SP140L: variants seen among roughly 807,000 people sequenced by gnomAD.
SP140L encodes the protein nuclear body protein SP140-like protein.
In SP140L, 64 loss-of-function variants were observed where a neutral mutation model predicts 84.3. That is an observed-to-expected ratio of 0.76 (90% CI 0.62 to 0.94). The LOEUF is 0.94. Among genes scored for constraint, SP140L ranks in the 40% least tolerant of loss-of-function variants. SP140L has a pLI of 0.00. For missense variants in SP140L, 628 were observed against 692.5 expected (o/e 0.91, Z 1.05); for synonymous variants, 242 against 236.9 (o/e 1.02, Z -0.20).
intron 5 of SP140L, among the ~76,000 whole-genome samples, chr2:230,362,295 C>T: frequency 6.6e-6 from 1 of 152,132 alleles, no homozygotes; most frequent in Non-Finnish European, 1.5e-5. Context: ...TGACTTTCAT[C>T]ACTTAGGATG....
chr2:230,340,000 A>G (rs1371586338), intron 2 of SP140L, among the ~76,000 whole-genome samples: 4 of 148,712 alleles, frequency 2.7e-5, no homozygotes, highest in Non-Finnish European at 6.0e-5. Context: ...GTAGATGTCT[A>G]TTAGGTCCGC....
At chr2:230,340,154 G>T (rs1163371490) in intron 2 of SP140L, among the ~76,000 whole-genome samples, 1 of 151,580 alleles carries the variant, frequency 6.6e-6, no homozygotes, top group Non-Finnish European at 1.5e-5. Context: ...CTCAGGACTT[G>T]CTTTATGAAT....
intron 2 of SP140L, among the ~76,000 whole-genome samples, chr2:230,334,002 G>C (rs1300601443): frequency 6.6e-6 from 1 of 152,042 alleles, no homozygotes; most frequent in Non-Finnish European, 1.5e-5. Context: ...TTCCTTCCAG[G>C]TTTCTTTCGC....
At chr2:230,371,729 T>C in intron 7 of SP140L, 78 bp downstream of exon 7, 2 of 1,301,398 alleles carry the variant, frequency 1.5e-6, no homozygotes, top group South Asian at 1.3e-5. Context: ...TTTGTCATTG[T>C]TACTGTTTCT....
Position 230,370,936 on chromosome 2 carries a change from G to A in SP140L, c.552G>A (p.Arg184=). 6.2e-7 allele frequency: 1 copy of A among 1,613,802 alleles called. No homozygotes were observed. Among genetic ancestry groups the A allele is most frequent in the Non-Finnish European group, 8.5e-7 (1 of 1,179,820 alleles). Residue 184 remains arginine (R), a synonymous_variant, in exon 6 of 19, where the codon AGG becomes AGA. Transcript: ENST00000415673. Reference sequence around the variant, plus strand: ...AAGTGCCAGAAAGCCCGGAAGCAAGGAAGGAAAGTGACCAAGCATGTGGCA... The same window carrying A: ...AAGTGCCAGAAAGCCCGGAAGCAAGAAAGGAAAGTGACCAAGCATGTGGCA... ...QGEVPESPEA[R]KESDQACGKM... is the part of the protein sequence containing the mutation.
Position 230,382,338 on chromosome 2 carries a change from C to T in SP140L, c.638-1172C>T, listed in dbSNP as rs563296839. On this transcript the variant is annotated intron_variant, in intron 7 of 18. Transcript: ENST00000415673. ...TGGAGCAGGGTGTTTTCCTTCTGGA[C>T]AAAGGATCCAGGGTAGTTCTGAGAG... Among the ~76,000 whole-genome samples the T allele has an allele frequency of 2.1e-3, 316 of 152,224 alleles. 2 individuals are homozygous for T. The highest frequency in any genetic ancestry group is 7.1e-3 in the African/African-American group (293 of 41,528).
At chr2:230,339,336 G>A (rs1216330099) in intron 2 of SP140L, among the ~76,000 whole-genome samples, 2 of 151,642 alleles carry the variant, frequency 1.3e-5, no homozygotes, top group South Asian at 4.2e-4. Context: ...TGGGATCGGT[G>A]GTGACATCCC....
At chr2:230,334,593 A>AT (rs2059815270) in intron 2 of SP140L, among the ~76,000 whole-genome samples, 1 of 152,072 alleles carries the variant, frequency 6.6e-6, no homozygotes, top group South Asian at 2.1e-4. Context: ...ATTTACATGT[A>AT]TTTTATTGTG....
Position 230,402,958 on chromosome 2 carries a change from C to G in SP140L, c.*62C>G. On this transcript the variant is annotated 3_prime_UTR_variant, in exon 19 of 19. Coordinates refer to ENST00000415673, the MANE Select transcript of SP140L (RefSeq NM_138402.6). ...GCTACTGGTTGCCACTGACTTCAAA[C>G]TGAGAGCACTTGGGAAATAGCACAT... is the stretch of plus-strand genomic sequence containing the variant. 7.3e-7 allele frequency: 1 copy of G among 1,362,980 alleles called. No homozygotes were observed. The highest frequency in any genetic ancestry group is 2.1e-5 in the Admixed American group (1 of 46,952). The allele number at this position is 1,362,980 out of a possible 1,614,324, so 84.4% of individuals were successfully genotyped here.
intron 2 of SP140L, among the ~76,000 whole-genome samples, chr2:230,335,427 G>T (rs2059840541): frequency 6.6e-6 from 1 of 152,148 alleles, no homozygotes; most frequent in Non-Finnish European, 1.5e-5. Context: ...TTGTTATTTT[G>T]ATTTTGATTT....
chr2:230,385,290 T>C lies in SP140L; in HGVS notation c.770T>C (p.Leu257Pro), dbSNP rs201281649. Residue 257 changes from leucine to proline, a missense_variant, in exon 9 of 19, where the codon CTT becomes CCT. Coordinates refer to ENST00000415673, the MANE Select transcript of SP140L (RefSeq NM_138402.6). ...EKKANMNLKD[L>P]SKIRGRKRGK... is the part of the protein sequence containing the mutation. The stretch of plus-strand genomic sequence containing the variant: ...AAGGCGAACATGAATCTGAAAGACC[T>C]TTCCAAGATTAGGGGTAAGATAAAG... 1 of 1,613,636 alleles carries C rather than the reference T, an allele frequency of 6.2e-7. No homozygotes were observed. The highest frequency in any genetic ancestry group is 8.5e-7 in the Non-Finnish European group (1 of 1,179,654).
At chr2:230,383,221 C>T (rs1220327702) in intron 7 of SP140L, among the ~76,000 whole-genome samples, 7 of 152,132 alleles carry the variant, frequency 4.6e-5, no homozygotes, top group Admixed American at 4.6e-4. Flanking sequence ...CATGAAATAG[C>T]AGTTATCATT....
intron 14 of SP140L, among the ~76,000 whole-genome samples, chr2:230,397,701 G>A (rs1035434947): frequency 6.6e-6 from 1 of 152,142 alleles, no homozygotes; most frequent in African/African-American, 2.4e-5. Flanking sequence ...ACACATAATA[G>A]TTAGCAGAGG....
intron 8 of SP140L, 123 bp downstream of exon 8, chr2:230,383,698 T>C (rs2061481400): frequency 1.1e-6 from 1 of 910,080 alleles, no homozygotes; most frequent in Admixed American, 2.8e-5. Flanking sequence ...TCCGTTAGGA[T>C]GTAGACCAAC....
intron 7 of SP140L, among the ~76,000 whole-genome samples, chr2:230,375,573 T>G (rs2061218159): frequency 6.6e-6 from 1 of 152,240 alleles, no homozygotes; most frequent in East Asian, 1.9e-4. Context: ...CTTGCCTTTT[T>G]GATAATAGCT....
chr2:230,399,127 C>T lies in SP140L; in HGVS notation c.1198-1000C>T, dbSNP rs117816382. ...AACGGCAAAGGGCTCTGTCACAGAC[C>T]GGTTCTTTGTCATGAATACACTTGC... On this transcript the variant is annotated intron_variant, in intron 14 of 18. Transcript: ENST00000415673. Among the ~76,000 whole-genome samples the T allele has an allele frequency of 6.4e-4, 97 of 152,248 alleles. No homozygotes were observed. In the East Asian group the frequency reaches 8.1e-3, roughly 13 times the overall value.
intron 14 of SP140L, 40 bp from the exon 15 acceptor site, chr2:230,400,087 T>A: frequency 6.2e-7 from 1 of 1,610,514 alleles, no homozygotes; most frequent in Non-Finnish European, 8.5e-7. Context: ...TTCCTGAATC[T>A]TGTGATTCCC....
chr2:230,341,836 G>A (rs1415550460), intron 2 of SP140L, among the ~76,000 whole-genome samples: 1 of 152,050 alleles, frequency 6.6e-6, no homozygotes, highest in Non-Finnish European at 1.5e-5. Flanking sequence ...ACTTGAGGAG[G>A]CAGTCTGCCC....
chr2:230,351,728 C>T (rs186407857), intron 2 of SP140L, among the ~76,000 whole-genome samples: 53 of 152,208 alleles, frequency 3.5e-4, no homozygotes, highest in African/African-American at 1.2e-3. Context: ...CTTACTATAA[C>T]CCTGACCTCA....
Sources: allele counts gnomAD v4.1 joint callset (sites outside exome capture counted in the v4.1 genomes callset), GRCh38; gene constraint gnomAD v4.1.1; transcripts MANE v1.5; gene names NCBI Gene and HGNC (gene_info 2026-07-23, HGNC 2026-07-21).